ADCY10: variants seen among roughly 807,000 people sequenced by gnomAD.
The protein encoded by ADCY10 is adenylate cyclase type 10.
Under a neutral mutation model 183.3 loss-of-function variants are expected in ADCY10, and 156 were observed. That is an observed-to-expected ratio of 0.85 (90% confidence interval 0.75 to 0.97). The LOEUF (loss-of-function observed/expected upper bound fraction) is 0.97. Among genes scored for constraint, ADCY10 ranks in the 50% least tolerant of loss-of-function variants. ADCY10 has a pLI of 0.00. For missense variants in ADCY10, 1,745 were observed against 1,934.3 expected (o/e 0.90, Z 1.84); for synonymous variants, 645 against 670.0 (o/e 0.96, Z 0.58).
At chr1:167,851,553 T>C (rs1016454840) in intron 18 of ADCY10, among the ~76,000 whole-genome samples, 7 of 152,178 alleles carry the variant, frequency 4.6e-5, no homozygotes, top group African/African-American at 1.4e-4. Flanking sequence ...TCGGGCACAG[T>C]GGCTCACGCC....
intron 14 of ADCY10, among the ~76,000 whole-genome samples, chr1:167,864,152 G>C (rs902316417): frequency 6.6e-6 from 1 of 152,138 alleles, no homozygotes; most frequent in Non-Finnish European, 1.5e-5. Context: ...TTTGATTTTG[G>C]TTTAGTGTAA....
chr1:167,903,042 G>A lies in ADCY10; in HGVS notation c.253+845C>T, dbSNP rs188808762. 3.7e-3 allele frequency among the ~76,000 whole-genome samples: 565 copies of A among 152,132 alleles called. 6 individuals carry two copies. Among genetic ancestry groups the A allele is most frequent in the African/African-American group, 0.013 (550 of 41,492 alleles). On this transcript the variant is annotated intron_variant, in intron 3 of 32. Coordinates refer to ENST00000367851, the MANE Select transcript of ADCY10 (RefSeq NM_018417.6). Reference sequence around the variant, plus strand: ...GGCTGAGGTGGGAGGATCACCTGAGGTCAGGAGTTAGAGACCAGCCTGGCC... The same window carrying A: ...GGCTGAGGTGGGAGGATCACCTGAGATCAGGAGTTAGAGACCAGCCTGGCC...
At chr1:167,837,937 A>G (rs1044868509) in intron 21 of ADCY10, among the ~76,000 whole-genome samples, 1 of 152,234 alleles carries the variant, frequency 6.6e-6, no homozygotes, top group Admixed American at 6.5e-5. Context: ...AAAATTCCAT[A>G]ATGATCTTAA....
At chr1:167,906,486 C>A (rs1266621193) in intron 1 of ADCY10, among the ~76,000 whole-genome samples, 1 of 151,852 alleles carries the variant, frequency 6.6e-6, no homozygotes, top group Non-Finnish European at 1.5e-5. Flanking sequence ...GCTATATGAA[C>A]TTTTAAGAAG....
At chr1:167,877,074 G>A (rs796542599) in intron 12 of ADCY10, among the ~76,000 whole-genome samples, 13 of 151,910 alleles carry the variant, frequency 8.6e-5, no homozygotes, top group Admixed American at 6.6e-4. Context: ...AAAAATAAAT[G>A]TTTATTTTTG....
At chr1:167,886,164 C>A (rs957413321) in intron 8 of ADCY10, among the ~76,000 whole-genome samples, 3 of 152,118 alleles carry the variant, frequency 2.0e-5, no homozygotes, top group Admixed American at 6.6e-5. Context: ...ATCAAGCTAC[C>A]AATGACTTTC....
In ADCY10 at chr1:167,854,441, C is replaced by G. The variant is rs756048232; in HGVS notation, c.2220G>C (p.Leu740Phe). Reference sequence around the variant, plus strand: ...CCTCATGATGTTCCAGGTTTTTAAGCAATTCTTCACAGTAAAATGGAATCC... The same window carrying G: ...CCTCATGATGTTCCAGGTTTTTAAGGAATTCTTCACAGTAAAATGGAATCC... ...SCGIPFYCEE[L>F]LKNLEHHEVL... The change falls in exon 18 of 33, where the codon TTG (leucine) becomes TTC (phenylalanine). Residue 740 changes from leucine to phenylalanine, a missense_variant. Leu to Phe is a conservative substitution (Grantham distance 22). Coordinates refer to ENST00000367851, the MANE Select transcript of ADCY10 (RefSeq NM_018417.6). The G allele has an allele frequency of 1.5e-5, 24 of 1,614,054 alleles. No individual in the cohort carries two copies. Among genetic ancestry groups the G allele is most frequent in the Non-Finnish European group, 1.9e-5 (23 of 1,180,048 alleles).
chr1:167,888,454 T>C (rs968392146), intron 8 of ADCY10, among the ~76,000 whole-genome samples: 21 of 152,174 alleles, frequency 1.4e-4, no homozygotes, highest in Admixed American at 4.6e-4. Flanking sequence ...CAACATTTTA[T>C]AGTTTTCACG....
At chr1:167,886,128 T>C (rs1342665830) in intron 8 of ADCY10, among the ~76,000 whole-genome samples, 2 of 152,082 alleles carry the variant, frequency 1.3e-5, no homozygotes, top group Non-Finnish European at 2.9e-5. Context: ...CTGCTCAAGG[T>C]AATTTATAGA....
At chr1:167,827,368 CA>C (rs1160208255) in intron 26 of ADCY10, among the ~76,000 whole-genome samples, 1 of 144,488 alleles carries the variant, frequency 6.9e-6, no homozygotes, top group Non-Finnish European at 1.5e-5. Flanking sequence ...TCAGTAGAGA[CA>C]GGGTTTCACC....
intron 18 of ADCY10, among the ~76,000 whole-genome samples, chr1:167,851,828 A>G (rs1421831982): frequency 2.0e-5 from 3 of 152,038 alleles, no homozygotes; most frequent in African/African-American, 4.8e-5. Flanking sequence ...AAAAAAAAAA[A>G]AGAAATTTAA....
intron 8 of ADCY10, among the ~76,000 whole-genome samples, chr1:167,885,135 C>T (rs886638368): frequency 2.0e-5 from 3 of 151,992 alleles, no homozygotes; most frequent in African/African-American, 4.8e-5. Context: ...TTTTTTATGG[C>T]TGAATAGTAC....
intron 18 of ADCY10, among the ~76,000 whole-genome samples, chr1:167,849,505 T>C (rs541048807): frequency 5.9e-5 from 9 of 152,302 alleles, no homozygotes; most frequent in Admixed American, 4.6e-4. Flanking sequence ...ATGAGTGCCA[T>C]GTGATTGGGC....
At chr1:167,837,004 G>A (rs917271451) in intron 22 of ADCY10, 2 of 470,228 alleles carry the variant, frequency 4.3e-6, no homozygotes, top group Non-Finnish European at 7.7e-6. Flanking sequence ...CAGCCTGGGT[G>A]ACAGAGCGAG....
intron 1 of ADCY10, among the ~76,000 whole-genome samples, chr1:167,909,211 T>C (rs1039912618): frequency 3.1e-4 from 47 of 152,204 alleles, no homozygotes; most frequent in Admixed American, 7.9e-4. Flanking sequence ...ATATCAATAA[T>C]TGTTCATTTT....
At position 167,823,131 on chromosome 1, in the gene ADCY10, A is replaced by G. The variant is rs1289303230; in HGVS notation, c.4053-8T>C. On this transcript the variant is annotated splice_region_variant and splice_polypyrimidine_tract_variant and intron_variant, in intron 28 of 32. Transcript: ENST00000367851. ...TGGATCAATTGCGGGTATCTATGGAAAAGAAAAGGTAGTGGCCATTAAAAA... is the reference window on the plus strand; with the variant it reads ...TGGATCAATTGCGGGTATCTATGGAGAAGAAAAGGTAGTGGCCATTAAAAA... 2 of 1,612,950 alleles carry G rather than the reference A, an allele frequency of 1.2e-6. No homozygotes were observed. Among genetic ancestry groups the G allele is most frequent in the Admixed American group, 1.7e-5 (1 of 59,998 alleles).
intron 31 of ADCY10, among the ~76,000 whole-genome samples, chr1:167,812,807 A>G (rs1662303133): frequency 6.6e-6 from 1 of 152,230 alleles, no homozygotes; most frequent in Non-Finnish European, 1.5e-5. Context: ...CAGTAAAGTG[A>G]CAGAAAACCT....
At chr1:167,858,500 A>C (rs1666065158) in intron 16 of ADCY10, among the ~76,000 whole-genome samples, 1 of 57,376 alleles carries the variant, frequency 1.7e-5, no homozygotes, top group Admixed American at 2.4e-4. Context: ...TCTGTCTCAA[A>C]AAAAAAAAAA....
rs369311694 is a variant in ADCY10 at position 167,836,471 on chromosome 1, G to T, written c.3147C>A (p.Asp1049Glu). 1 of 1,614,092 alleles carries T rather than the reference G, an allele frequency of 6.2e-7. No individual in the cohort carries two copies. Among genetic ancestry groups the T allele is most frequent in the South Asian group, 1.1e-5 (1 of 91,074 alleles). ...AAGATTCCAGAGGGATAATGTCTTC[G>T]TCAGATGTCTTCATTTTTGTTAAAA... ...DHVLTKMKTS[D>E]EDIIPLESCQ... Residue 1049 changes from aspartate to glutamate, a missense_variant, in exon 23 of 33, where the codon GAC becomes GAA. Transcript: ENST00000367851.
Sources: allele counts gnomAD v4.1 joint callset (sites outside exome capture counted in the v4.1 genomes callset), GRCh38; gene constraint gnomAD v4.1.1; transcripts MANE v1.5; gene names NCBI Gene and HGNC (gene_info 2026-07-23, HGNC 2026-07-21).